The following OCA2 variants were observed in gnomAD, a reference collection of about 807,000 sequenced individuals.
The protein encoded by OCA2 is OCA2 melanosomal transmembrane protein.
A neutral mutation model predicts 100.2 loss-of-function variants in OCA2; 77 were observed. The ratio of observed to expected loss-of-function variants is 0.77; its 90% CI spans 0.64 to 0.93. The LOEUF is 0.93. Ranked by LOEUF, OCA2 falls within the 40% of genes least tolerant of loss-of-function variation. OCA2 has a pLI of 0.00. For synonymous variants in OCA2, 432 were observed against 439.2 expected, an observed-to-expected ratio of 0.98 and a Z score of 0.21; for missense variants, 1,062 against 1,089.1, an observed-to-expected ratio of 0.98 and a Z score of 0.35.
intron 1 of OCA2, among the ~76,000 whole-genome samples, chr15:28,089,411 A>G (rs1278188464): frequency 1.3e-5 from 2 of 152,222 alleles, no homozygotes; most frequent in Admixed American, 1.3e-4. Flanking sequence ...TTATGTAAAG[A>G]GATTGCAGTA....
chr15:27,826,726 G>C (rs1035227762), intron 23 of OCA2, among the ~76,000 whole-genome samples: 1 of 152,222 alleles, frequency 6.6e-6, no homozygotes, highest in Admixed American at 6.5e-5. Context: ...CCAGTGGGCA[G>C]ATGAGGCCAT....
At chr15:28,021,642 G>T (rs2042596356) in intron 6 of OCA2, among the ~76,000 whole-genome samples, 1 of 152,206 alleles carries the variant, frequency 6.6e-6, no homozygotes. Flanking sequence ...AAGACAGGAA[G>T]CCTGGGGAAG....
At position 27,843,396 on chromosome 15, in the gene OCA2, G is replaced by A. The variant is rs2035414842; in HGVS notation, c.2432+1563C>T. Among the ~76,000 whole-genome samples the A allele has an allele frequency of 2.0e-5, 3 of 152,174 alleles. No homozygotes were observed. The South Asian group carries it at 6.2e-4, about 32-fold the overall frequency. On this transcript the variant is annotated intron_variant, in intron 23 of 23. Coordinates refer to ENST00000354638, the MANE Select transcript of OCA2 (RefSeq NM_000275.3). ...CCCTCACTGACCATAGGGCAAAGATGAGAAGATGGCAGTGTGTGGTAGGCC... is the reference window on the plus strand; with the variant it reads ...CCCTCACTGACCATAGGGCAAAGATAAGAAGATGGCAGTGTGTGGTAGGCC...
At chr15:28,092,862 A>G (rs963825851) in intron 1 of OCA2, among the ~76,000 whole-genome samples, 4 of 152,226 alleles carry the variant, frequency 2.6e-5, no homozygotes, top group South Asian at 2.1e-4. Flanking sequence ...CCTCAGACCT[A>G]TTAAAGAACA....
intron 23 of OCA2, among the ~76,000 whole-genome samples, chr15:27,794,824 AG>A (rs544087547): frequency 1.1e-4 from 16 of 152,152 alleles, no homozygotes; most frequent in Non-Finnish European, 1.8e-4. Context: ...CATGTTTTGG[AG>A]GATCTATGAA....
chr15:27,835,591 C>A (rs1386266369), intron 23 of OCA2, among the ~76,000 whole-genome samples: 2 of 152,220 alleles, frequency 1.3e-5, no homozygotes, highest in Non-Finnish European at 2.9e-5. Flanking sequence ...TAAGTCCCTG[C>A]ATTTTGGGAT....
chr15:27,808,924 G>A (rs899159784), intron 23 of OCA2, among the ~76,000 whole-genome samples: 2 of 152,164 alleles, frequency 1.3e-5, no homozygotes, highest in African/African-American at 4.8e-5. Flanking sequence ...AGATGGGATC[G>A]TGGGGTATGC....
chr15:27,754,861 A>G (rs3743194), downstream of OCA2: 1 of 168,714 alleles, frequency 5.9e-6, no homozygotes, highest in East Asian at 1.5e-4. Context: ...CATAATGTAA[A>G]CTACTCCAAA....
At chr15:28,072,538 T>A (rs2044294464) in intron 2 of OCA2, among the ~76,000 whole-genome samples, 1 of 138,392 alleles carries the variant, frequency 7.2e-6, no homozygotes, top group Non-Finnish European at 1.5e-5. Flanking sequence ...TGCAGTGAGC[T>A]GAGATCGCAT....
chr15:27,950,176 C>T (rs1012109685), intron 18 of OCA2, among the ~76,000 whole-genome samples: 1 of 152,066 alleles, frequency 6.6e-6, no homozygotes, highest in African/African-American at 2.4e-5. Flanking sequence ...AATGCAAGCT[C>T]TTATATCTTT....
At chr15:27,796,638 G>C (rs949910633) in intron 23 of OCA2, among the ~76,000 whole-genome samples, 14 of 152,208 alleles carry the variant, frequency 9.2e-5, no homozygotes, top group Non-Finnish European at 2.1e-4. Context: ...TCCTCCAGCA[G>C]GTGTAACAGG....
chr15:27,950,299 T>G (rs1253549106), intron 18 of OCA2, among the ~76,000 whole-genome samples: 2 of 152,174 alleles, frequency 1.3e-5, no homozygotes, highest in African/African-American at 4.8e-5. Flanking sequence ...AACACTAGTT[T>G]TTTAAATTTG....
At chr15:28,045,866 A>G (rs2043331447) in intron 2 of OCA2, among the ~76,000 whole-genome samples, 1 of 152,212 alleles carries the variant, frequency 6.6e-6, no homozygotes, top group Admixed American at 6.5e-5. Flanking sequence ...TAAGACACCT[A>G]AAATATCCTG....
intron 23 of OCA2, among the ~76,000 whole-genome samples, chr15:27,800,281 T>A (rs1337434555): frequency 1.3e-5 from 2 of 151,318 alleles, no homozygotes; most frequent in Non-Finnish European, 2.9e-5. Context: ...TCAGCTTCCA[T>A]CTGAAAAAAC....
intron 21 of OCA2, among the ~76,000 whole-genome samples, chr15:27,870,517 A>T (rs2036503520): frequency 6.6e-6 from 1 of 152,252 alleles, no homozygotes; most frequent in East Asian, 1.9e-4. Flanking sequence ...TGTACTTCCA[A>T]TCCTGGCTGG....
chr15:27,831,287 A>AAAAAAAAAAAAAC, intron 23 of OCA2, among the ~76,000 whole-genome samples: 1 of 149,654 alleles, frequency 6.7e-6, no homozygotes, highest in Non-Finnish European at 1.5e-5. Context: ...TCCGTCTCAA[A>AAAAAAAAAAAAAC]AAAAAAAAAA....
rs138941513 is a variant in OCA2 at position 27,822,787 on chromosome 15, T to G, written c.2432+22172A>C. Among the ~76,000 whole-genome samples, 382 of 152,318 alleles carry G rather than the reference T, an allele frequency of 2.5e-3. 2 individuals carry two copies. Among genetic ancestry groups the G allele is most frequent in the African/African-American group, 8.7e-3 (363 of 41,568 alleles). On this transcript the variant is annotated intron_variant, in intron 23 of 23. Transcript: ENST00000354638. ...AGGAGCTCTTTCCATGGTGTCACTATGAATCCTTTACTGGAATACATACTG... is the reference window on the plus strand; with the variant it reads ...AGGAGCTCTTTCCATGGTGTCACTAGGAATCCTTTACTGGAATACATACTG...
rs781434143 is a variant in OCA2 at position 27,926,109 on chromosome 15, A to G, written c.2079+18T>C. The G allele has an allele frequency of 1.2e-6, 2 of 1,613,902 alleles. No homozygotes were observed. Among genetic ancestry groups the G allele is most frequent in the East Asian group, 4.5e-5 (2 of 44,860 alleles). ...AAATCAGGTAAAATGCCATATGGCA[A>G]AAGTTCTAAAATCTTACCTCCATCA... On this transcript the variant is annotated intron_variant, in intron 19 of 23. Transcript: ENST00000354638.
At chr15:27,982,271 C>G (rs955370128) in intron 14 of OCA2, among the ~76,000 whole-genome samples, 1 of 152,178 alleles carries the variant, frequency 6.6e-6, no homozygotes, top group African/African-American at 2.4e-5. Context: ...ATGTGCATGT[C>G]TGTGAGACTT....
Sources: gnomAD v4.1 joint callset for allele counts (sites outside exome capture counted in the v4.1 genomes callset) on GRCh38, gnomAD v4.1.1 for gene constraint, MANE v1.5 for transcripts, NCBI Gene and HGNC (gene_info 2026-07-23, HGNC 2026-07-21) for gene names.